Variants in SYNDIG1L observed in about 807,000 individuals in gnomAD.
SYNDIG1L encodes synapse differentiation-inducing gene protein 1-like.
Under a neutral mutation model 20.1 loss-of-function variants are expected in SYNDIG1L, and 13 were observed. The ratio of observed to expected loss-of-function variants is 0.65; its 90% confidence interval spans 0.42 to 1.03. The LOEUF (loss-of-function observed/expected upper bound fraction) is 1.03. Ranked by LOEUF, SYNDIG1L falls within the 50% of genes least tolerant of loss-of-function variation. The probability of loss-of-function intolerance (pLI) is 0.00; values close to 1 mark genes in which losing one functional copy is unlikely to be tolerated. For synonymous variants in SYNDIG1L, 128 were observed against 129.3 expected (o/e 0.99, Z 0.07); for missense variants, 294 against 305.1 (o/e 0.96, Z 0.27).
intron 1 of SYNDIG1L, among the ~76,000 whole-genome samples, chr14:74,410,130 G>A (rs753605227): frequency 1.1e-4 from 17 of 152,218 alleles, no homozygotes; most frequent in Non-Finnish European, 2.5e-4. Context: ...GGGAGAGGGA[G>A]CAGATGCCTG....
At chr14:74,436,424 G>A in the SYNDIG1L span, among the ~76,000 whole-genome samples, 1 of 151,744 alleles carries the variant, frequency 6.6e-6, no homozygotes, top group Non-Finnish European at 1.5e-5. Flanking sequence ...ATTTTTGTAG[G>A]GACAGGGTCT....
At chr14:74,428,487 C>G (rs957959831), upstream of SYNDIG1L, among the ~76,000 whole-genome samples, 1 of 152,184 alleles carries the variant, frequency 6.6e-6, no homozygotes, top group East Asian at 1.9e-4. Flanking sequence ...AAACCATTGT[C>G]CAGGCCTTTG....
At chr14:74,461,839 G>A in the SYNDIG1L span, among the ~76,000 whole-genome samples, 1 of 146,584 alleles carries the variant, frequency 6.8e-6, no homozygotes, top group East Asian at 2.1e-4. Context: ...CCAGCACTTT[G>A]GGAGGCTGAA....
At chr14:74,458,075 C>T in the SYNDIG1L span, among the ~76,000 whole-genome samples, 9 of 152,052 alleles carry the variant, frequency 5.9e-5, no homozygotes, top group Admixed American at 2.6e-4. Context: ...GCTGGGATTA[C>T]GGGAGAGCCA....
At chr14:74,464,862 G>A in the SYNDIG1L span, among the ~76,000 whole-genome samples, 1 of 152,324 alleles carries the variant, frequency 6.6e-6, no homozygotes, top group East Asian at 1.9e-4. Context: ...GAGGTAAGGA[G>A]TTATTAATAG....
the SYNDIG1L span, among the ~76,000 whole-genome samples, chr14:74,433,018 A>G: frequency 2.0e-5 from 3 of 152,214 alleles, no homozygotes; most frequent in African/African-American, 7.2e-5. Flanking sequence ...ATTTGTATTG[A>G]TTCTTAAATA....
At chr14:74,458,746 C>G in the SYNDIG1L span, among the ~76,000 whole-genome samples, 9 of 151,532 alleles carry the variant, frequency 5.9e-5, no homozygotes, top group South Asian at 2.1e-4. Context: ...CACTTTTGAA[C>G]AGGTTTGTCA....
At chr14:74,470,058 C>A in the SYNDIG1L span, among the ~76,000 whole-genome samples, 3 of 151,952 alleles carry the variant, frequency 2.0e-5, no homozygotes, top group East Asian at 5.8e-4. Context: ...AATGCAGTCA[C>A]GAAAGGAGAA....
intron 1 of SYNDIG1L, among the ~76,000 whole-genome samples, chr14:74,425,243 A>C (rs1174308890): frequency 6.6e-6 from 1 of 152,230 alleles, no homozygotes; most frequent in African/African-American, 2.4e-5. Context: ...CACATAATAG[A>C]AAACAGGACC....
chr14:74,424,906 T>G (rs749848303), intron 1 of SYNDIG1L, among the ~76,000 whole-genome samples: 3 of 151,942 alleles, frequency 2.0e-5, no homozygotes, highest in Non-Finnish European at 4.4e-5. Flanking sequence ...GAGGATGAGG[T>G]TGAAAGAGCT....
the SYNDIG1L span, among the ~76,000 whole-genome samples, chr14:74,453,313 A>G: frequency 3.0e-5 from 4 of 134,480 alleles, no homozygotes; most frequent in East Asian, 7.4e-4. Flanking sequence ...AGATCACACC[A>G]TTGCACTCCA....
the SYNDIG1L span, among the ~76,000 whole-genome samples, chr14:74,465,170 T>C: frequency 6.6e-6 from 1 of 152,274 alleles, no homozygotes; most frequent in African/African-American, 2.4e-5. Flanking sequence ...TTTGGTGCAG[T>C]AGTGGTGCTG....
chr14:74,418,990 C>T (rs982352662), intron 1 of SYNDIG1L, among the ~76,000 whole-genome samples: 3 of 152,184 alleles, frequency 2.0e-5, no homozygotes, highest in Non-Finnish European at 2.9e-5. Context: ...TTTAAGCCAC[C>T]AGGTTTTGGG....
chr14:74,473,585 T>C, the SYNDIG1L span, among the ~76,000 whole-genome samples: 1 of 152,196 alleles, frequency 6.6e-6, no homozygotes, highest in Non-Finnish European at 1.5e-5. Context: ...CATGGCATTC[T>C]GTACATGTGA....
the SYNDIG1L span, among the ~76,000 whole-genome samples, chr14:74,442,941 G>A: frequency 6.6e-6 from 1 of 152,204 alleles, no homozygotes; most frequent in South Asian, 2.1e-4. Context: ...GCAGGTATGG[G>A]TCAATGAGCC....
chr14:74,445,773 A>G, the SYNDIG1L span, among the ~76,000 whole-genome samples: 1 of 152,132 alleles, frequency 6.6e-6, no homozygotes, highest in African/African-American at 2.4e-5. Flanking sequence ...CACTGTGCCC[A>G]GCCTCTGACA....
At chr14:74,469,527 A>AG in the SYNDIG1L span, among the ~76,000 whole-genome samples, 3 of 152,080 alleles carry the variant, frequency 2.0e-5, no homozygotes, top group African/African-American at 7.2e-5. Flanking sequence ...AATAAAAAAA[A>AG]AAGAAGAAGA....
the SYNDIG1L span, among the ~76,000 whole-genome samples, chr14:74,463,366 G>A: frequency 6.6e-6 from 1 of 152,136 alleles, no homozygotes; most frequent in Non-Finnish European, 1.5e-5. Context: ...GAGCAGCTCA[G>A]GGTTCTGCAG....
At chr14:74,473,316 C>T in the SYNDIG1L span, among the ~76,000 whole-genome samples, 2 of 152,002 alleles carry the variant, frequency 1.3e-5, no homozygotes, top group African/African-American at 2.4e-5. Flanking sequence ...ACTCGGAAGG[C>T]GGAGGTTGCA....
Sources: allele counts gnomAD v4.1 joint callset (sites outside exome capture counted in the v4.1 genomes callset), GRCh38; gene constraint gnomAD v4.1.1; transcripts MANE v1.5; gene names NCBI Gene and HGNC (gene_info 2026-07-23, HGNC 2026-07-21).